The following EYA4 variants were observed in gnomAD, a reference collection of about 807,000 sequenced individuals.
EYA4 encodes protein phosphatase EYA4.
Under a neutral mutation model 87.9 loss-of-function variants are expected in EYA4, and 31 were observed. The observed-to-expected ratio is 0.35, with a 90% CI of 0.27 to 0.48. EYA4 has a LOEUF of 0.48. EYA4 is among the 20% of genes least tolerant of loss of function. EYA4 has a pLI of 0.99. For synonymous variants in EYA4, 263 were observed against 270.6 expected, an observed-to-expected ratio of 0.97 and a Z score of 0.28; for missense variants, 678 against 761.4, an observed-to-expected ratio of 0.89 and a Z score of 1.29.
At chr6:133,416,026 G>A (rs537777132) in intron 3 of EYA4, among the ~76,000 whole-genome samples, 17 of 152,302 alleles carry the variant, frequency 1.1e-4, no homozygotes, top group African/African-American at 3.4e-4. Flanking sequence ...AAGGTTTTCC[G>A]AGTAGAGTGA....
chr6:133,372,078 A>G (rs1272562975), intron 2 of EYA4, among the ~76,000 whole-genome samples: 3 of 152,142 alleles, frequency 2.0e-5, no homozygotes, highest in Non-Finnish European at 4.4e-5. Context: ...ATTTAGGGAC[A>G]TAAAAATTGT....
rs1795071937 is a variant in EYA4, at chr6:133,468,779, C to G, written c.970+48C>G. 3 of 1,588,526 alleles carry G rather than the reference C, an allele frequency of 1.9e-6. No individual in the cohort carries two copies. The East Asian group carries it at 6.7e-5, about 36-fold the overall frequency. ...AATACTTTTATATGTTTTGCAATAT[C>G]TAATAAAACGGAGAAAGTGGACATT... On this transcript the variant is annotated intron_variant, in intron 11 of 19. Coordinates refer to ENST00000355286, the MANE Select transcript of EYA4 (RefSeq NM_004100.5).
chr6:133,496,490 T>C (rs1230259211), intron 13 of EYA4, among the ~76,000 whole-genome samples: 1 of 152,162 alleles, frequency 6.6e-6, no homozygotes, highest in African/African-American at 2.4e-5. Flanking sequence ...TTCCCCTACA[T>C]GACCACCCTT....
chr6:133,243,695 T>G (rs1582722090), intron 1 of EYA4, among the ~76,000 whole-genome samples: 1 of 150,738 alleles, frequency 6.6e-6, no homozygotes, highest in East Asian at 2.0e-4. Context: ...ATTGGCAAGC[T>G]TAAACCTGAA....
intron 3 of EYA4, among the ~76,000 whole-genome samples, chr6:133,416,928 T>C (rs1162689979): frequency 6.6e-6 from 1 of 152,202 alleles, no homozygotes; most frequent in Non-Finnish European, 1.5e-5. Flanking sequence ...GTTACGCCAC[T>C]GTGGGTGCAG....
intron 2 of EYA4, among the ~76,000 whole-genome samples, chr6:133,368,193 T>G (rs1235759714): frequency 6.6e-6 from 1 of 152,214 alleles, no homozygotes; most frequent in Non-Finnish European, 1.5e-5. Context: ...TTATAGTTAT[T>G]TGTACTCTTT....
intron 2 of EYA4, among the ~76,000 whole-genome samples, chr6:133,376,075 A>G (rs1427729406): frequency 6.6e-6 from 1 of 151,882 alleles, no homozygotes; most frequent in Admixed American, 6.6e-5. Context: ...CAAAGCCGAC[A>G]AGTCTAAATT....
chr6:133,393,086 T>TC (rs1387469080), intron 3 of EYA4, among the ~76,000 whole-genome samples: 2 of 152,198 alleles, frequency 1.3e-5, no homozygotes, highest in African/African-American at 4.8e-5. Flanking sequence ...CTGAGTATTC[T>TC]CCAAGATTGC....
At chr6:133,278,857 A>C (rs1344681925) in intron 2 of EYA4, among the ~76,000 whole-genome samples, 2 of 152,170 alleles carry the variant, frequency 1.3e-5, no homozygotes, top group East Asian at 1.9e-4. Flanking sequence ...GAATTGGTTT[A>C]AGTTATAGCC....
intron 11 of EYA4, among the ~76,000 whole-genome samples, chr6:133,476,490 T>A (rs148906176): frequency 2.0e-5 from 3 of 152,240 alleles, no homozygotes; most frequent in African/African-American, 7.2e-5. Flanking sequence ...CACATATAAA[T>A]GAGGTCATGT....
chr6:133,291,753 G>A (rs1164564121), intron 2 of EYA4, among the ~76,000 whole-genome samples: 1 of 152,112 alleles, frequency 6.6e-6, no homozygotes, highest in Non-Finnish European at 1.5e-5. Context: ...ACTTATAAAA[G>A]TGGTCACCTC....
intron 13 of EYA4, among the ~76,000 whole-genome samples, chr6:133,491,951 CAAAA>C (rs34316449): frequency 2.0e-4 from 17 of 83,742 alleles, no homozygotes; most frequent in African/African-American, 4.7e-4. Context: ...AACTCCGTCT[CAAAA>C]AAAAAAAAAA....
chr6:133,528,624 C>A, intron 19 of EYA4, 101 bp from the exon 20 acceptor site: 1 of 886,252 alleles, frequency 1.1e-6, no homozygotes, highest in South Asian at 1.3e-5. Flanking sequence ...CCACACATCC[C>A]TGTGTGTGCT....
intron 2 of EYA4, among the ~76,000 whole-genome samples, chr6:133,362,866 C>T (rs1784558229): frequency 6.6e-6 from 1 of 152,232 alleles, no homozygotes; most frequent in Non-Finnish European, 1.5e-5. Context: ...GCTTTAGCTT[C>T]TTTAAGGAGG....
chr6:133,479,955 A>G (rs77801925), intron 11 of EYA4, among the ~76,000 whole-genome samples: 7,145 of 152,292 alleles, frequency 0.047, 524 homozygotes, highest in African/African-American at 0.15. Context: ...TTAGATATCT[A>G]TGGGACGTAC....
At chr6:133,286,453 A>T (rs78869029) in intron 2 of EYA4, among the ~76,000 whole-genome samples, 7,027 of 152,258 alleles carry the variant, frequency 0.046, 552 homozygotes, top group African/African-American at 0.16. Context: ...TAAAAGGACT[A>T]AGCCCTGGGC....
intron 3 of EYA4, among the ~76,000 whole-genome samples, chr6:133,445,860 G>A (rs568196671): frequency 2.0e-5 from 3 of 152,200 alleles, no homozygotes; most frequent in African/African-American, 4.8e-5. Context: ...GATTACAGGC[G>A]TGAGCCACCG....
intron 16 of EYA4, 105 bp downstream of exon 16, chr6:133,513,143 A>AG: frequency 8.1e-7 from 1 of 1,231,974 alleles, no homozygotes; most frequent in Non-Finnish European, 1.2e-6. Context: ...AACAAGCAAA[A>AG]GCTCATATTA....
rs3756873 is a variant in EYA4, at chr6:133,461,237, T to A, written c.437+57T>A. 114,766 of 1,200,816 alleles carry A rather than the reference T, an allele frequency of 0.096. 8,637 individuals are homozygous for A. Among genetic ancestry groups the A allele is most frequent in the East Asian group, 0.3 (13,083 of 42,916 alleles). 74.4% of individuals were successfully genotyped at this position (1,200,816 alleles called of 1,614,324 possible). ...GGCAAACATTTATGTCTATACATGT[T>A]TTATAGATGGTTGGATAATACTTGG... On this transcript the variant is annotated intron_variant, in intron 7 of 19. Coordinates refer to ENST00000355286, the MANE Select transcript of EYA4 (RefSeq NM_004100.5).
Sources: allele counts gnomAD v4.1 joint callset (sites outside exome capture counted in the v4.1 genomes callset), GRCh38; gene constraint gnomAD v4.1.1; transcripts MANE v1.5; gene names NCBI Gene and HGNC (gene_info 2026-07-23, HGNC 2026-07-21).